Variants in EVC2 observed in about 807,000 individuals in gnomAD.
EVC2 encodes EvC ciliary complex subunit 2.
In EVC2, 148 loss-of-function variants were observed where a neutral mutation model predicts 149.3. The ratio of observed to expected loss-of-function variants is 0.99; its 90% CI spans 0.87 to 1.14. The LOEUF (loss-of-function observed/expected upper bound fraction) is 1.14, where lower values mean the gene tolerates loss of function less well. EVC2 is among the 50% of genes most tolerant of loss of function. The pLI is 0.00. For synonymous variants in EVC2, 776 were observed against 649.9 expected (o/e 1.19, Z -2.95); for missense variants, 1,854 against 1,627.3 (o/e 1.14, Z -2.40).
intron 10 of EVC2, among the ~76,000 whole-genome samples, chr4:5,635,718 G>C (rs890552734): frequency 6.6e-6 from 1 of 152,226 alleles, no homozygotes; most frequent in Non-Finnish European, 1.5e-5. Context: ...GAAAATGTCA[G>C]AATTCTTGTG....
chr4:5,576,474 A>G lies in EVC2; in HGVS notation c.3058-20T>C. ...GAGCTCCTACACAAGGAAGGGGCAG[A>G]GGGTAAGCACCACTGCACAAGGCGG... On this transcript the variant is annotated intron_variant, in intron 17 of 21. Coordinates refer to ENST00000344408, the MANE Select transcript of EVC2 (RefSeq NM_147127.5). The surrounding 1 kb of genome is among the most constrained non-coding windows in gnomAD (Gnocchi z 4.5). The G allele has an allele frequency of 6.4e-7, 1 of 1,567,598 alleles. No homozygotes were observed. Among genetic ancestry groups the G allele is most frequent in the Non-Finnish European group, 8.6e-7 (1 of 1,158,744 alleles).
intron 8 of EVC2, 106 bp downstream of exon 8, chr4:5,665,409 C>G: frequency 1.3e-6 from 2 of 1,557,404 alleles, no homozygotes; most frequent in Non-Finnish European, 1.8e-6. Context: ...GTGCACAGCT[C>G]CCTCAGCAAT....
intron 21 of EVC2, chr4:5,543,238 A>C: frequency 2.3e-6 from 3 of 1,286,398 alleles, no homozygotes; most frequent in Non-Finnish European, 3.0e-6. Context: ...ATCCTGGTCT[A>C]ACCAAAGTCT....
At position 5,648,951 on chromosome 4, in the gene EVC2, AT is replaced by A. The variant is rs1717916803; in HGVS notation, c.1146-8114del. Among the ~76,000 whole-genome samples the A allele has an allele frequency of 2.6e-5, 4 of 152,312 alleles. No individual in the cohort carries two copies. The South Asian group carries it at 8.3e-4, about 32-fold the overall frequency. ...GGAAAACAAATACTAAGAATTCTTC[AT>A]TTCCATACAGGATCAGGTCCACTGG... On this transcript the variant is annotated intron_variant, in intron 9 of 21. Transcript: ENST00000344408.
chr4:5,628,484 G>C, intron 12 of EVC2, 75 bp downstream of exon 12: 1 of 1,565,634 alleles, frequency 6.4e-7, no homozygotes, highest in Non-Finnish European at 8.8e-7. Flanking sequence ...AAATTACCCA[G>C]TCTGTGGTAT....
intron 17 of EVC2, among the ~76,000 whole-genome samples, chr4:5,578,107 C>T (rs1723045450): frequency 6.6e-6 from 1 of 152,320 alleles, no homozygotes; most frequent in Admixed American, 6.5e-5. Context: ...ACCCTTACAC[C>T]TGCCTGCCAC....
exon 22 of EVC2, chr4:5,543,158 C>T: frequency 7.8e-7 from 1 of 1,289,816 alleles, no homozygotes; most frequent in Non-Finnish European, 1.0e-6. Flanking sequence ...ACTCAATTAA[C>T]CCAATCTCTG....
downstream of EVC2, among the ~76,000 whole-genome samples, chr4:5,557,712 G>C (rs1721861602): frequency 6.6e-6 from 1 of 152,162 alleles, no homozygotes; most frequent in African/African-American, 2.4e-5. Flanking sequence ...GGTGAGGATA[G>C]TAAGGTTGCA....
chr4:5,568,791 C>G (rs1722472414), intron 19 of EVC2, 151 bp from the exon 20 acceptor site: 1 of 1,068,182 alleles, frequency 9.4e-7, no homozygotes. Context: ...ACTTTCAGAG[C>G]TGTCAAAAAA....
intron 16 of EVC2, among the ~76,000 whole-genome samples, chr4:5,605,796 C>T (rs937338510): frequency 1.3e-5 from 2 of 152,142 alleles, no homozygotes; most frequent in Non-Finnish European, 2.9e-5. Context: ...TGTCCCTGCA[C>T]CGAGTGGACA....
intron 7 of EVC2, among the ~76,000 whole-genome samples, chr4:5,678,155 G>A (rs186350772): frequency 2.0e-5 from 3 of 152,340 alleles, no homozygotes; most frequent in East Asian, 1.9e-4. Flanking sequence ...TCTGGTAAGA[G>A]TGGCTCTCTG....
At position 5,563,013 on chromosome 4, in the gene EVC2, A is replaced by C. The variant is rs1260164978; in HGVS notation, c.3762T>G (p.Pro1254=). ...TGGTTTCTGCCCCTACAATGGGTACAGGGGCCAGTTCGCCAATGGGCTCCA... is the reference window on the plus strand; with the variant it reads ...TGGTTTCTGCCCCTACAATGGGTACCGGGGCCAGTTCGCCAATGGGCTCCA... The part of the protein sequence containing the change: ...LSLEPIGELA[P]VPIVGAETID... Residue 1254 remains proline, a synonymous_variant, in exon 22 of 22, where the codon CCT becomes CCG. Coordinates refer to ENST00000344408, the MANE Select transcript of EVC2 (RefSeq NM_147127.5). 1.9e-6 allele frequency: 3 copies of C among 1,614,256 alleles called. No individual in the cohort carries two copies. Among genetic ancestry groups the C allele is most frequent in the South Asian group, 1.1e-5 (1 of 91,088 alleles).
chr4:5,681,158 C>A, intron 7 of EVC2, 102 bp downstream of exon 7: 2 of 1,358,504 alleles, frequency 1.5e-6, no homozygotes, highest in Non-Finnish European at 2.1e-6. Flanking sequence ...AACTGGGGGA[C>A]CAAGGCCAGC....
At chr4:5,642,733 C>G (rs548826046) in intron 9 of EVC2, among the ~76,000 whole-genome samples, 11 of 152,308 alleles carry the variant, frequency 7.2e-5, no homozygotes, top group African/African-American at 2.6e-4. Context: ...TTTAGCCCCA[C>G]CCTCCACCAT....
intron 9 of EVC2, among the ~76,000 whole-genome samples, chr4:5,662,227 A>C (rs972028177): frequency 1.4e-4 from 21 of 151,800 alleles, no homozygotes; most frequent in African/African-American, 4.1e-4. Flanking sequence ...CGCTTAATCA[A>C]CTTGGAAAGC....
chr4:5,571,574 G>A (rs971438398), intron 19 of EVC2, among the ~76,000 whole-genome samples: 3 of 152,114 alleles, frequency 2.0e-5, no homozygotes, highest in African/African-American at 4.8e-5. Flanking sequence ...CTTCCTCCCT[G>A]CTCCTCTCCA....
intron 4 of EVC2, among the ~76,000 whole-genome samples, chr4:5,690,858 T>C (rs1288611318): frequency 6.6e-6 from 1 of 152,160 alleles, no homozygotes; most frequent in Non-Finnish European, 1.5e-5. Context: ...TCACTGACCC[T>C]AAGGCAGGTG....
rs1720942772 is a variant in EVC2 at position 5,689,272 on chromosome 4, T to C, written c.591A>G (p.Ser197=). 1.2e-6 allele frequency: 2 copies of C among 1,614,032 alleles called. No homozygotes were observed. Among genetic ancestry groups the C allele is most frequent in the Non-Finnish European group, 1.7e-6 (2 of 1,180,026 alleles). ...LLVNNTKTTS[S]ANLSELLLLD... ...GCAAGAGCAGCTCCGAGAGGTTGGC[T>C]GACGAGGTTGTCTTGGTGTTGTTAA... The change falls in exon 5 of 22, where the codon TCA becomes TCG. Residue 197 remains serine (S), a synonymous_variant. Coordinates refer to ENST00000344408, the MANE Select transcript of EVC2 (RefSeq NM_147127.5).
intron 14 of EVC2, among the ~76,000 whole-genome samples, chr4:5,620,297 C>T (rs1433727612): frequency 2.6e-5 from 4 of 152,208 alleles, no homozygotes; most frequent in African/African-American, 4.8e-5. Context: ...ATTATTCCTG[C>T]CACTTTCAAA....
Sources: gnomAD v4.1 joint callset for allele counts (sites outside exome capture counted in the v4.1 genomes callset) on GRCh38, gnomAD v4.1.1 for gene constraint, Gnocchi (gnomAD v3.1) non-coding constraint, MANE v1.5 for transcripts, NCBI Gene and HGNC (gene_info 2026-07-23, HGNC 2026-07-21) for gene names.